The following NCK1 variants were observed in gnomAD, a reference collection of about 807,000 sequenced individuals.
The protein encoded by NCK1 is NCK adaptor protein 1.
In NCK1, 19 loss-of-function variants were observed where a neutral mutation model predicts 36.6. The observed-to-expected ratio is 0.52, with a 90% CI of 0.36 to 0.76. The LOEUF is 0.76. Among genes scored for constraint, NCK1 ranks in the 30% least tolerant of loss-of-function variants. The probability of loss-of-function intolerance (pLI) is 0.00; values close to 1 mark genes in which losing one functional copy is unlikely to be tolerated. For synonymous variants in NCK1, 165 were observed against 156.0 expected (o/e 1.06, Z -0.43); for missense variants, 358 against 445.6 (o/e 0.80, Z 1.77).
intron 2 of NCK1, chr3:136,930,378 T>G: frequency 9.1e-7 from 1 of 1,099,270 alleles, no homozygotes; most frequent in Middle Eastern, 2.4e-4. Context: ...TGTGTTATAA[T>G]TTAGAGGAAA....
chr3:136,910,457 A>C lies in NCK1; in HGVS notation c.-18-17527A>C, dbSNP rs184119802. Among the ~76,000 whole-genome samples the C allele has an allele frequency of 1.2e-4, 19 of 152,278 alleles. 1 individual carries two copies. The highest frequency in any genetic ancestry group is 9.2e-4 in the Admixed American group (14 of 15,294). On this transcript the variant is annotated intron_variant, in intron 1 of 3. Coordinates refer to ENST00000481752, the MANE Select transcript of NCK1 (RefSeq NM_001291999.2). Reference sequence around the variant, plus strand: ...AGAGTAATGTTTTTGTTGTGTAGTAAAGTTATGTTTAAAAAATTACAAACT... The same window carrying C: ...AGAGTAATGTTTTTGTTGTGTAGTACAGTTATGTTTAAAAAATTACAAACT...
chr3:136,895,169 C>A (rs539332659), intron 1 of NCK1, among the ~76,000 whole-genome samples: 10 of 152,296 alleles, frequency 6.6e-5, no homozygotes, highest in African/African-American at 2.4e-4. Context: ...GCCACTGCGC[C>A]CAGCAAGCTG....
At chr3:136,912,067 CCTT>C (rs1412659198) in intron 1 of NCK1, among the ~76,000 whole-genome samples, 1 of 151,866 alleles carries the variant, frequency 6.6e-6, no homozygotes, top group African/African-American at 2.4e-5. Context: ...CTGTGCATCT[CCTT>C]GTGTTCATGC....
intron 2 of NCK1, among the ~76,000 whole-genome samples, chr3:136,935,086 C>G (rs7647451): frequency 0.68 from 103,664 of 151,882 alleles, 35,657 homozygotes; most frequent in East Asian, 0.87. Context: ...ATTTTTAGTA[C>G]TGACAGGGTT....
chr3:136,865,554 G>A (rs1356998239), intron 1 of NCK1, among the ~76,000 whole-genome samples: 3 of 152,154 alleles, frequency 2.0e-5, no homozygotes, highest in Non-Finnish European at 2.9e-5. Context: ...TACAGATACA[G>A]TTCATTTTTA....
intron 1 of NCK1, among the ~76,000 whole-genome samples, chr3:136,914,712 GCTTC>G (rs1939915328): frequency 1.3e-5 from 2 of 152,130 alleles, no homozygotes; most frequent in Non-Finnish European, 2.9e-5. Flanking sequence ...ACAACTTCTG[GCTTC>G]CAGCCAGAAG....
intron 1 of NCK1, chr3:136,898,971 T>TCC (rs1939464285): frequency 6.5e-6 from 1 of 153,302 alleles, no homozygotes; most frequent in African/African-American, 2.4e-5. Flanking sequence ...GATTCCTTTG[T>TCC]ATTACAATAC....
chr3:136,886,130 T>C (rs981606025), intron 1 of NCK1, among the ~76,000 whole-genome samples: 2 of 152,216 alleles, frequency 1.3e-5, no homozygotes, highest in African/African-American at 4.8e-5. Flanking sequence ...AATGAGGGAA[T>C]ACTTAAGATG....
At chr3:136,921,974 G>T (rs570044842) in intron 1 of NCK1, among the ~76,000 whole-genome samples, 1 of 152,066 alleles carries the variant, frequency 6.6e-6, no homozygotes, top group Admixed American at 6.6e-5. Context: ...TAGTAGAGAC[G>T]GGGTTTCACC....
chr3:136,900,208 C>G (rs942536660), intron 1 of NCK1: 3 of 224,518 alleles, frequency 1.3e-5, no homozygotes, highest in East Asian at 1.3e-4. Context: ...TGTGCAGAAG[C>G]CTTTTTTGTT....
chr3:136,914,679 G>A (rs1038074265), intron 1 of NCK1, among the ~76,000 whole-genome samples: 7 of 152,016 alleles, frequency 4.6e-5, no homozygotes, highest in East Asian at 1.9e-4. Context: ...TCTTTTTTGC[G>A]CCCTAATGTG....
At chr3:136,919,987 A>T (rs979947198) in intron 1 of NCK1, among the ~76,000 whole-genome samples, 1 of 152,184 alleles carries the variant, frequency 6.6e-6, no homozygotes, top group Non-Finnish European at 1.5e-5. Context: ...TGGGGTACAG[A>T]TCTCACAGTA....
At chr3:136,923,903 T>A (rs1460526179) in intron 1 of NCK1, among the ~76,000 whole-genome samples, 1 of 152,232 alleles carries the variant, frequency 6.6e-6, no homozygotes, top group African/African-American at 2.4e-5. Flanking sequence ...GTTGGTGTCA[T>A]AACCACACAG....
chr3:136,939,849 TTTTTTTTTTTTTTA>T (rs1283302799), intron 2 of NCK1, among the ~76,000 whole-genome samples: 3 of 55,844 alleles, frequency 5.4e-5, no homozygotes, highest in South Asian at 8.6e-4. Flanking sequence ...CTTTTTTTTT[TTTTTTTTTTTTTTA>T]AAATAGAGAC....
intron 1 of NCK1, among the ~76,000 whole-genome samples, chr3:136,870,075 A>G (rs565913227): frequency 7.4e-6 from 1 of 135,400 alleles, no homozygotes; most frequent in African/African-American, 2.8e-5. Flanking sequence ...GGCCCAGCGC[A>G]GTGGCTCATG....
In NCK1 at chr3:136,876,087, G is replaced by A. The variant is rs559530030; in HGVS notation, c.-19+13734G>A. On this transcript the variant is annotated intron_variant, in intron 1 of 3. Transcript: ENST00000481752. ...ATAACGAAATGAAGGCAGAAGTAAA[G>A]ATGTTCTTTGAAACCAACGAGAACA... is the stretch of plus-strand genomic sequence containing the variant. Among the ~76,000 whole-genome samples, 60 of 151,898 alleles carry A rather than the reference G, an allele frequency of 4.0e-4. No individual in the cohort carries two copies. The East Asian group carries it at 0.012, about 29-fold the overall frequency.
In NCK1 at chr3:136,946,137, C is replaced by A. The variant is rs1301313850; in HGVS notation, c.781C>A (p.Pro261Thr). 26 of 1,613,690 alleles carry A rather than the reference C, an allele frequency of 1.6e-5. No individual in the cohort carries two copies. Among genetic ancestry groups the A allele is most frequent in the Non-Finnish European group, 1.9e-5 (23 of 1,179,944 alleles). ...TAATCCATTAACTTCAGGTTTGGAA[C>A]CATCACCTCCACAGTGTGATTACAT... is the stretch of plus-strand genomic sequence containing the variant. ...QNNPLTSGLE[P>T]SPPQCDYIRP... The change falls in exon 3 of 4, where the codon CCA (proline) becomes ACA (threonine). Residue 261 changes from proline to threonine, a missense_variant. By Grantham distance (38) the Pro-to-Thr change is conservative. Transcript: ENST00000481752.
intron 1 of NCK1, among the ~76,000 whole-genome samples, chr3:136,864,845 C>T (rs7429516): frequency 0.68 from 99,560 of 146,310 alleles, 34,162 homozygotes; most frequent in East Asian, 0.87. Context: ...GCAACCTCTG[C>T]CTCCCGGGTT....
chr3:136,930,586 A>C (rs1940365373), intron 2 of NCK1: 1 of 1,483,626 alleles, frequency 6.7e-7, no homozygotes. Flanking sequence ...GTCTTTAAAG[A>C]TTTTTTCAGT....
Sources: allele counts gnomAD v4.1 joint callset (sites outside exome capture counted in the v4.1 genomes callset), GRCh38; gene constraint gnomAD v4.1.1; transcripts MANE v1.5; gene names NCBI Gene and HGNC (gene_info 2026-07-23, HGNC 2026-07-21).